Variants in CD96 observed in about 807,000 individuals in gnomAD.
CD96 encodes CD96 molecule.
A neutral mutation model predicts 71.3 loss-of-function variants in CD96; 70 were observed. The observed-to-expected ratio is 0.98, with a 90% CI of 0.81 to 1.20. CD96 has a LOEUF of 1.20. Ranked by LOEUF, CD96 falls within the 50% of genes most tolerant of loss-of-function variation. The pLI, the probability that CD96 is intolerant of heterozygous loss-of-function variation, is 0.00. For missense variants in CD96, 742 were observed against 677.5 expected (o/e 1.10, Z -1.06); for synonymous variants, 248 against 233.0 (o/e 1.06, Z -0.59).
chr3:111,583,744 G>T (rs925292877), intron 4 of CD96, among the ~76,000 whole-genome samples: 6 of 152,206 alleles, frequency 3.9e-5, no homozygotes, highest in African/African-American at 1.4e-4. Context: ...AGCTGGAATG[G>T]CTGGGACACA....
intron 2 of CD96, among the ~76,000 whole-genome samples, chr3:111,555,726 G>A (rs11918121): frequency 0.045 from 6,697 of 149,990 alleles, no homozygotes; most frequent in African/African-American, 0.16. Flanking sequence ...TTGATTATGG[G>A]TGTCTCTTTG....
chr3:111,582,621 A>T (rs765245096), intron 4 of CD96, among the ~76,000 whole-genome samples: 3 of 152,190 alleles, frequency 2.0e-5, no homozygotes, highest in Non-Finnish European at 4.4e-5. Flanking sequence ...GGGAAGAAAA[A>T]GAGATTTAGT....
At position 111,639,283 on chromosome 3, in the gene CD96, G is replaced by A. The variant is rs114162934; in HGVS notation, c.1477+1115G>A. Among the ~76,000 whole-genome samples, 342 of 152,298 alleles carry A rather than the reference G, an allele frequency of 2.2e-3. 1 individual carries two copies. Among genetic ancestry groups the A allele is most frequent in the African/African-American group, 8.0e-3 (332 of 41,564 alleles). ...GAGACAGACTCGGGGCTGTTGGCGG[G>A]GTGGGGGGCATGGTGGGAGTGAGAA... On this transcript the variant is annotated intron_variant, in intron 12 of 13. Transcript: ENST00000352690.
Position 111,579,148 on chromosome 3 carries a change from T to C in CD96, c.665T>C (p.Ile222Thr), listed in dbSNP as rs1295769025. 6.2e-7 allele frequency: 1 copy of C among 1,606,868 alleles called. No individual in the cohort carries two copies. The highest frequency in any genetic ancestry group is 1.3e-5 in the African/African-American group (1 of 74,880). The change falls in exon 4 of 14, where the codon ATC becomes ACC. Residue 222 changes from isoleucine (I) to threonine (T), a missense_variant. Coordinates refer to ENST00000352690, the MANE Select transcript of CD96 (RefSeq NM_005816.5). ...AGACTCCACCTCTCTCCAGTCCAAA[T>C]CTTCGATGATGGGCGGAAGTTCTCT... ...DYRLHLSPVQ[I>T]FDDGRKFSCH...
At chr3:111,632,816 G>T (rs2107740064) in intron 10 of CD96, among the ~76,000 whole-genome samples, 1 of 152,332 alleles carries the variant, frequency 6.6e-6, no homozygotes, top group East Asian at 1.9e-4. Context: ...CATGTCCTTT[G>T]CAGGGACATG....
chr3:111,549,478 C>T (rs1422222443), intron 2 of CD96, among the ~76,000 whole-genome samples: 1 of 151,962 alleles, frequency 6.6e-6, no homozygotes, highest in Admixed American at 6.6e-5. Context: ...TTTTGCATTT[C>T]AAAAATGCAT....
rs181434750 is a variant in CD96 at position 111,582,973 on chromosome 3, A to G, written c.752-2350A>G. On this transcript the variant is annotated intron_variant, in intron 4 of 13. Transcript: ENST00000352690. ...CTTCCCAACAGTCCCCCATATTCTC[A>G]ACCCATTTCAGCATTAACCCAAAAG... 2.5e-3 allele frequency among the ~76,000 whole-genome samples: 386 copies of G among 152,270 alleles called. 4 individuals carry two copies. The highest frequency in any genetic ancestry group is 4.2e-3 in the Non-Finnish European group (283 of 68,008).
chr3:111,571,954 G>C (rs1451234435), intron 3 of CD96, among the ~76,000 whole-genome samples: 1 of 152,080 alleles, frequency 6.6e-6, no homozygotes, highest in Non-Finnish European at 1.5e-5. Flanking sequence ...TGGGCTCATG[G>C]TTAGAACATC....
chr3:111,654,367 A>C (rs114327100), downstream of CD96, among the ~76,000 whole-genome samples: 285 of 152,352 alleles, frequency 1.9e-3, no homozygotes, highest in Middle Eastern at 0.014. Flanking sequence ...ACCAGAAAGC[A>C]GGATACTATG....
chr3:111,570,035 G>A (rs1935903819), intron 3 of CD96, among the ~76,000 whole-genome samples: 1 of 151,448 alleles, frequency 6.6e-6, no homozygotes, highest in Non-Finnish European at 1.5e-5. Context: ...CTGCTTGCTC[G>A]GTAGGCAGGA....
At chr3:111,563,982 C>T (rs62275477) in intron 2 of CD96, among the ~76,000 whole-genome samples, 18,084 of 152,016 alleles carry the variant, frequency 0.12, 1,168 homozygotes, top group Non-Finnish European at 0.13. Flanking sequence ...TTTTCTTTCC[C>T]TGAGTATATT....
intron 2 of CD96, among the ~76,000 whole-genome samples, chr3:111,549,738 T>C (rs1023761851): frequency 7.2e-5 from 11 of 152,166 alleles, no homozygotes. Context: ...TAATTTCTAA[T>C]ATGTGACACA....
rs148685347 is a variant in CD96, at chr3:111,552,904, T to C, written c.418+7502T>C. ...ATACAAAAAATACATAGAATAATTATGAAAATTATATAGAATAATTTCCCA... is the reference window on the plus strand; with the variant it reads ...ATACAAAAAATACATAGAATAATTACGAAAATTATATAGAATAATTTCCCA... On this transcript the variant is annotated intron_variant, in intron 2 of 13. Coordinates refer to ENST00000352690, the MANE Select transcript of CD96 (RefSeq NM_005816.5). Among the ~76,000 whole-genome samples the C allele has an allele frequency of 6.6e-5, 10 of 152,286 alleles. No individual in the cohort carries two copies. In the East Asian group the frequency reaches 1.7e-3, roughly 26 times the overall value.
chr3:111,585,163 G>A (rs1289812052), intron 4 of CD96, among the ~76,000 whole-genome samples, 160 bp from the exon 5 acceptor site: 1 of 151,866 alleles, frequency 6.6e-6, no homozygotes, highest in Non-Finnish European at 1.5e-5. Flanking sequence ...ATACTGCCAG[G>A]TACACAGTGG....
chr3:111,553,207 T>C lies in CD96; in HGVS notation c.418+7805T>C, dbSNP rs568729146. 9.9e-4 allele frequency among the ~76,000 whole-genome samples: 150 copies of C among 151,850 alleles called. 1 individual carries two copies. The Middle Eastern group carries it at 0.014, about 14-fold the overall frequency. ...TAAATTAGGATGCAGATAAACTAGA[T>C]ATATTGTGATTATTTGGAAATTCCC... On this transcript the variant is annotated intron_variant, in intron 2 of 13. Transcript: ENST00000352690.
At chr3:111,598,514 A>G (rs891400878) in intron 6 of CD96, among the ~76,000 whole-genome samples, 3 of 152,240 alleles carry the variant, frequency 2.0e-5, no homozygotes, top group Admixed American at 6.5e-5. Context: ...AAGTCTACAT[A>G]TATTTATTAA....
At chr3:111,624,782 T>G (rs1317406863) in intron 10 of CD96, among the ~76,000 whole-genome samples, 1 of 152,188 alleles carries the variant, frequency 6.6e-6, no homozygotes, top group African/African-American at 2.4e-5. Flanking sequence ...GTGAATATAT[T>G]TGGGGAAAGA....
chr3:111,586,270 C>A (rs1458993310), intron 5 of CD96, among the ~76,000 whole-genome samples: 1 of 152,136 alleles, frequency 6.6e-6, no homozygotes, highest in Non-Finnish European at 1.5e-5. Flanking sequence ...CTAACATTTT[C>A]TATTACATGG....
At chr3:111,645,277 A>C (rs541731969) in intron 12 of CD96, among the ~76,000 whole-genome samples, 1 of 152,202 alleles carries the variant, frequency 6.6e-6, no homozygotes, top group East Asian at 1.9e-4. Context: ...GGAATGAAAA[A>C]CCAAACATCA....
Sources: gnomAD v4.1 joint callset for allele counts (sites outside exome capture counted in the v4.1 genomes callset) on GRCh38, gnomAD v4.1.1 for gene constraint, MANE v1.5 for transcripts, NCBI Gene and HGNC (gene_info 2026-07-23, HGNC 2026-07-21) for gene names.